Variants in MTMR7 observed in about 807,000 individuals in gnomAD.
The protein encoded by MTMR7 is phosphatidylinositol-3-phosphate phosphatase MTMR7.
Under a neutral mutation model 81.2 loss-of-function variants are expected in MTMR7, and 76 were observed. That is an observed-to-expected ratio of 0.94 (90% CI 0.78 to 1.13). The LOEUF is 1.13. Ranked by LOEUF, MTMR7 falls within the 50% of genes most tolerant of loss-of-function variation. The pLI is 0.00. For synonymous variants in MTMR7, 372 were observed against 289.8 expected (o/e 1.28, Z -2.88); for missense variants, 1,044 against 820.0 (o/e 1.27, Z -3.34).
intron 1 of MTMR7, among the ~76,000 whole-genome samples, chr8:17,384,826 T>C (rs1447107930): frequency 1.3e-5 from 2 of 152,232 alleles, no homozygotes; most frequent in African/African-American, 4.8e-5. Flanking sequence ...AAAAGGAGTA[T>C]TTAATCTTTC....
intron 3 of MTMR7, among the ~76,000 whole-genome samples, chr8:17,369,096 T>G (rs1008016445): frequency 1.3e-5 from 2 of 152,168 alleles, no homozygotes; most frequent in African/African-American, 4.8e-5. Context: ...ATCCCATTAA[T>G]CCGCTCAGAG....
chr8:17,334,233 C>G (rs572518634), intron 6 of MTMR7, among the ~76,000 whole-genome samples: 51 of 152,296 alleles, frequency 3.3e-4, no homozygotes, highest in Middle Eastern at 3.4e-3. Context: ...GTAGCAAAAG[C>G]TGAACCCTCA....
chr8:17,299,013 C>A lies in MTMR7; in HGVS notation c.*849G>T, dbSNP rs1195725517. 2 of 152,216 alleles carry A rather than the reference C, an allele frequency of 1.3e-5. No individual in the cohort carries two copies. The highest frequency in any genetic ancestry group is 2.9e-5 in the Non-Finnish European group (2 of 68,036). The allele number at this position is 152,216 out of a possible 1,614,324, so 9.4% of individuals were successfully genotyped here. On this transcript the variant is annotated 3_prime_UTR_variant, in exon 14 of 14. Transcript: ENST00000180173. ...CACTCACAGATGTTTTATCTACTAA[C>A]TTTATAATGTGATACTTTGAGATCA...
At position 17,297,729 on chromosome 8, in the gene MTMR7, G is replaced by A. The variant is rs999315802; in HGVS notation, c.*2133C>T. On this transcript the variant is annotated 3_prime_UTR_variant, in exon 14 of 14. Coordinates refer to ENST00000180173, the MANE Select transcript of MTMR7 (RefSeq NM_004686.5). Reference sequence around the variant, plus strand: ...TTTGATTATTAGATATTTTAGTCTTGTTGGGGATATTTTAGTCTTGTTGGG... The same window carrying A: ...TTTGATTATTAGATATTTTAGTCTTATTGGGGATATTTTAGTCTTGTTGGG... The A allele has an allele frequency of 4.7e-5, 6 of 128,898 alleles. No homozygotes were observed. Among genetic ancestry groups the A allele is most frequent in the Non-Finnish European group, 9.1e-5 (5 of 55,020 alleles). The allele number at this position is 128,898 out of a possible 1,614,324, so 8.0% of individuals were successfully genotyped here. A position where few individuals can be genotyped will look rare whatever the true frequency, so the allele number is the denominator to read the frequency against.
intron 4 of MTMR7, among the ~76,000 whole-genome samples, chr8:17,360,611 G>A (rs909826395): frequency 1.3e-5 from 2 of 151,834 alleles, no homozygotes; most frequent in African/African-American, 4.8e-5. Flanking sequence ...GATTAATTCT[G>A]CCACTCTAGC....
chr8:17,395,296 T>C (rs1322233120), intron 1 of MTMR7, among the ~76,000 whole-genome samples: 1 of 152,226 alleles, frequency 6.6e-6, no homozygotes, highest in African/African-American at 2.4e-5. Flanking sequence ...GTACATATCA[T>C]ATTCTGTTTA....
intron 1 of MTMR7, among the ~76,000 whole-genome samples, chr8:17,394,348 A>G (rs1821188069): frequency 6.6e-6 from 1 of 152,268 alleles, no homozygotes; most frequent in Admixed American, 6.5e-5. Flanking sequence ...CATGCAATGG[A>G]ATATTATTCA....
chr8:17,389,397 A>C (rs1348866711), intron 1 of MTMR7, among the ~76,000 whole-genome samples: 1 of 152,168 alleles, frequency 6.6e-6, no homozygotes, highest in Non-Finnish European at 1.5e-5. Flanking sequence ...AAACACTCAC[A>C]CTAGAACTGT....
chr8:17,310,939 C>T (rs762918323), intron 9 of MTMR7, among the ~76,000 whole-genome samples: 1 of 152,118 alleles, frequency 6.6e-6, no homozygotes, highest in African/African-American at 2.4e-5. Context: ...TTGAAAGCAA[C>T]GTTACATTTG....
chr8:17,321,931 A>T (rs976686897), intron 7 of MTMR7, among the ~76,000 whole-genome samples: 3 of 152,222 alleles, frequency 2.0e-5, no homozygotes, highest in Non-Finnish European at 4.4e-5. Context: ...CTTAGAAGAA[A>T]ATAAGCCTCA....
intron 9 of MTMR7, among the ~76,000 whole-genome samples, chr8:17,311,023 G>A (rs1368094367): frequency 6.6e-6 from 1 of 152,144 alleles, no homozygotes. Context: ...AAAAGGCTGT[G>A]AAATTTTCAG....
chr8:17,409,292 T>C (rs1821677624), intron 1 of MTMR7, among the ~76,000 whole-genome samples: 1 of 152,046 alleles, frequency 6.6e-6, no homozygotes, highest in Admixed American at 6.5e-5. Context: ...AACCCCTGTC[T>C]CTACTAAAAA....
intron 13 of MTMR7, 101 bp downstream of exon 13, chr8:17,302,053 T>G (rs996419113): frequency 1.2e-5 from 18 of 1,495,488 alleles, no homozygotes; most frequent in Admixed American, 3.6e-5. Flanking sequence ...ACTAAAAATG[T>G]GAAATATTTG....
In MTMR7 at chr8:17,341,356, C is replaced by T. The variant is rs776387945; in HGVS notation, c.732+7G>A. On this transcript the variant is annotated splice_region_variant and intron_variant, in intron 6 of 13. Coordinates refer to ENST00000180173, the MANE Select transcript of MTMR7 (RefSeq NM_004686.5). ...GCAAAGACATGCATCGCAACGGTGACACTTACTTTAGGCCGGGTGTCAACG... is the reference window on the plus strand; with the variant it reads ...GCAAAGACATGCATCGCAACGGTGATACTTACTTTAGGCCGGGTGTCAACG... 1.9e-6 allele frequency: 3 copies of T among 1,613,956 alleles called. No homozygotes were observed. The South Asian group carries it at 3.3e-5, about 18-fold the overall frequency.
At chr8:17,342,498 AC>A (rs1819434152) in intron 5 of MTMR7, among the ~76,000 whole-genome samples, 1 of 152,128 alleles carries the variant, frequency 6.6e-6, no homozygotes, top group Non-Finnish European at 1.5e-5. Context: ...ATGAAGGGGC[AC>A]CCCAACTCTT....
chr8:17,393,374 T>C (rs1821158706), intron 1 of MTMR7, among the ~76,000 whole-genome samples: 1 of 152,034 alleles, frequency 6.6e-6, no homozygotes, highest in South Asian at 2.1e-4. Context: ...CAAAGGAAAA[T>C]AGATAAATTG....
At chr8:17,317,719 G>A (rs1363125139) in intron 7 of MTMR7, among the ~76,000 whole-genome samples, 2 of 152,148 alleles carry the variant, frequency 1.3e-5, no homozygotes, top group Non-Finnish European at 2.9e-5. Context: ...CTGATGGCTC[G>A]AATTCCAGAG....
intron 5 of MTMR7, among the ~76,000 whole-genome samples, chr8:17,347,841 G>A (rs7005859): frequency 0.021 from 3,181 of 152,188 alleles, 129 homozygotes; most frequent in African/African-American, 0.073. Flanking sequence ...GAGGTGTCAC[G>A]TGGCAGTTTT....
At chr8:17,302,032 G>A in intron 13 of MTMR7, 122 bp downstream of exon 13, 1 of 1,296,766 alleles carries the variant, frequency 7.7e-7, no homozygotes, top group Non-Finnish European at 1.1e-6. Flanking sequence ...TGTGTTTCAG[G>A]TGTTCTACTG....
Sources: allele counts gnomAD v4.1 joint callset (sites outside exome capture counted in the v4.1 genomes callset), GRCh38; gene constraint gnomAD v4.1.1; transcripts MANE v1.5; gene names NCBI Gene and HGNC (gene_info 2026-07-23, HGNC 2026-07-21).